ACTR3C: variants seen among roughly 807,000 people sequenced by gnomAD.
The protein encoded by ACTR3C is actin-related protein 3C.
A neutral mutation model predicts 26.3 loss-of-function variants in ACTR3C; 18 were observed. The ratio of observed to expected loss-of-function variants is 0.68; its 90% confidence interval spans 0.47 to 1.01. ACTR3C has a LOEUF of 1.01. Ranked by LOEUF, ACTR3C falls within the 50% of genes least tolerant of loss-of-function variation. The pLI is 0.00. For missense variants in ACTR3C, 184 were observed against 250.7 expected (o/e 0.73, Z 1.80); for synonymous variants, 55 against 94.5 (o/e 0.58, Z 2.42).
At chr7:150,088,254 C>G in the ACTR3C span, among the ~76,000 whole-genome samples, 1 of 152,314 alleles carries the variant, frequency 6.6e-6, no homozygotes, top group African/African-American at 2.4e-5. Context: ...AACAAATTGC[C>G]TAATCCAAGC....
chr7:150,314,165 T>C (rs1369044443), intron 1 of ACTR3C, among the ~76,000 whole-genome samples: 2 of 152,166 alleles, frequency 1.3e-5, no homozygotes, highest in Non-Finnish European at 2.9e-5. Context: ...CTAGGGTCAG[T>C]GGCAGCAGTG....
chr7:149,991,068 A>G, the ACTR3C span, among the ~76,000 whole-genome samples: 3 of 152,196 alleles, frequency 2.0e-5, no homozygotes, highest in Non-Finnish European at 4.4e-5. Context: ...ACAGTTCCAC[A>G]TGGCTGGGGA....
At chr7:150,253,072 C>G (rs1464728540) in intron 6 of ACTR3C, among the ~76,000 whole-genome samples, 3 of 152,032 alleles carry the variant, frequency 2.0e-5, no homozygotes, top group Non-Finnish European at 4.4e-5. Flanking sequence ...CAGGATATCA[C>G]GCTGCTGAAT....
At chr7:150,245,302 C>T (rs373415961), downstream of ACTR3C, 4 of 152,326 alleles carry the variant, frequency 2.6e-5, no homozygotes, top group South Asian at 2.1e-4. Context: ...TTATCTTACG[C>T]TATGGTTGCA....
At chr7:149,908,844 C>T in the ACTR3C span, among the ~76,000 whole-genome samples, 2 of 151,368 alleles carry the variant, frequency 1.3e-5, no homozygotes, top group Admixed American at 6.6e-5. Flanking sequence ...TGCAGTGGCA[C>T]GATCCCGGCT....
At chr7:150,020,310 T>C in the ACTR3C span, among the ~76,000 whole-genome samples, 2 of 152,240 alleles carry the variant, frequency 1.3e-5, no homozygotes, top group Admixed American at 6.5e-5. Flanking sequence ...ACTTTAAGTA[T>C]TGAAATTATT....
At chr7:149,954,663 C>T in the ACTR3C span, among the ~76,000 whole-genome samples, 2,254 of 152,290 alleles carry the variant, frequency 0.015, 17 homozygotes, top group South Asian at 0.031. Context: ...TATATTCTCG[C>T]ATTTAAATTA....
chr7:150,189,102 G>A, the ACTR3C span, among the ~76,000 whole-genome samples: 15,532 of 145,102 alleles, frequency 0.11, 1,478 homozygotes, highest in African/African-American at 0.33. Context: ...ACAATGAAAA[G>A]CTCAGTTCTC....
At chr7:150,288,517 G>C (rs1835959608) in intron 4 of ACTR3C, among the ~76,000 whole-genome samples, 1 of 141,448 alleles carries the variant, frequency 7.1e-6, no homozygotes, top group Non-Finnish European at 1.5e-5. Context: ...CAAAGCCCTA[G>C]GATTATAGAT....
the ACTR3C span, among the ~76,000 whole-genome samples, chr7:150,042,342 G>A: frequency 1.9e-3 from 224 of 119,892 alleles, 2 homozygotes; most frequent in East Asian, 3.5e-3. Context: ...TGCCTCGCGG[G>A]GGGTGCCTCC....
At chr7:150,037,099 A>G in the ACTR3C span, among the ~76,000 whole-genome samples, 1 of 61,290 alleles carries the variant, frequency 1.6e-5, no homozygotes. Flanking sequence ...TGGGGGTCCT[A>G]AGAGCCAGGG....
At chr7:149,958,071 T>C in the ACTR3C span, among the ~76,000 whole-genome samples, 103 of 152,288 alleles carry the variant, frequency 6.8e-4, 1 homozygote, top group Middle Eastern at 3.4e-3. Flanking sequence ...ATGTTCTTTG[T>C]GTTGAACTAG....
the ACTR3C span, among the ~76,000 whole-genome samples, chr7:149,964,635 A>C: frequency 2.0e-5 from 3 of 152,204 alleles, no homozygotes; most frequent in Non-Finnish European, 4.4e-5. Flanking sequence ...CAATAACTCT[A>C]GTCAGTTACT....
At chr7:150,206,312 T>C in the ACTR3C span, among the ~76,000 whole-genome samples, 1 of 152,216 alleles carries the variant, frequency 6.6e-6, no homozygotes, top group African/African-American at 2.4e-5. Context: ...GTGGCTTTAT[T>C]CCCCTGGGAG....
chr7:150,245,426 T>G (rs1832412127), downstream of ACTR3C: 1 of 152,222 alleles, frequency 6.6e-6, no homozygotes, highest in African/African-American at 2.4e-5. Flanking sequence ...TCCACTTTGC[T>G]GCTCTGTCAT....
At chr7:150,084,251 T>A in the ACTR3C span, among the ~76,000 whole-genome samples, 9 of 150,152 alleles carry the variant, frequency 6.0e-5, no homozygotes, top group South Asian at 2.1e-4. Context: ...AAAAAAAAAA[T>A]AAACCTACTT....
the ACTR3C span, among the ~76,000 whole-genome samples, chr7:150,042,538 A>AGGGG: frequency 3.4e-5 from 5 of 146,814 alleles, no homozygotes. Context: ...CCCAAGAGCC[A>AGGGG]GGGGGGGAAG....
the ACTR3C span, among the ~76,000 whole-genome samples, chr7:149,959,864 GGACATACACT>G: frequency 6.6e-6 from 1 of 152,184 alleles, no homozygotes; most frequent in African/African-American, 2.4e-5. Flanking sequence ...TGTGTTGAGC[GGACATACACT>G]GTGGTAAGAC....
the ACTR3C span, among the ~76,000 whole-genome samples, chr7:149,984,300 T>C: frequency 6.6e-6 from 1 of 152,008 alleles, no homozygotes; most frequent in Non-Finnish European, 1.5e-5. Flanking sequence ...GCCTCCTGGA[T>C]TCAAGCAAGT....
Sources: gnomAD v4.1 joint callset for allele counts (sites outside exome capture counted in the v4.1 genomes callset) on GRCh38, gnomAD v4.1.1 for gene constraint, MANE v1.5 for transcripts, NCBI Gene and HGNC (gene_info 2026-07-23, HGNC 2026-07-21) for gene names.